Variants in MTRF1 observed in about 807,000 individuals in gnomAD.
MTRF1 encodes peptide chain release factor 1, mitochondrial.
A neutral mutation model predicts 62.9 loss-of-function variants in MTRF1; 51 were observed. The observed-to-expected ratio is 0.81, with a 90% CI of 0.65 to 1.02. The LOEUF is 1.02. Among genes scored for constraint, MTRF1 ranks in the 50% least tolerant of loss-of-function variants. MTRF1 has a pLI of 0.00. For missense variants in MTRF1, 446 were observed against 530.0 expected (o/e 0.84, Z 1.56); for synonymous variants, 158 against 181.9 (o/e 0.87, Z 1.06).
the MTRF1 span, among the ~76,000 whole-genome samples, chr13:41,273,180 G>T: frequency 2.9e-4 from 44 of 152,120 alleles, no homozygotes; most frequent in Non-Finnish European, 4.4e-4. Flanking sequence ...CAAAAAATTA[G>T]CTGGGCGTGG....
At chr13:41,256,308 T>C (rs2039704823) in intron 2 of MTRF1, among the ~76,000 whole-genome samples, 1 of 150,408 alleles carries the variant, frequency 6.6e-6, no homozygotes, top group Non-Finnish European at 1.5e-5. Flanking sequence ...TAATTCTAAT[T>C]ACAGACCATC....
At chr13:41,238,321 T>C (rs1197271056) in intron 6 of MTRF1, among the ~76,000 whole-genome samples, 1 of 152,196 alleles carries the variant, frequency 6.6e-6, no homozygotes, top group Non-Finnish European at 1.5e-5. Context: ...AAGGCTACTA[T>C]AGACCAAATC....
intron 5 of MTRF1, among the ~76,000 whole-genome samples, chr13:41,241,931 C>T (rs1488366532): frequency 6.6e-6 from 1 of 152,198 alleles, no homozygotes; most frequent in Non-Finnish European, 1.5e-5. Flanking sequence ...GGCTTTGACA[C>T]TGAATGCATC....
At chr13:41,220,223 A>T (rs1593535034) in intron 9 of MTRF1, among the ~76,000 whole-genome samples, 1 of 145,128 alleles carries the variant, frequency 6.9e-6, no homozygotes, top group South Asian at 2.3e-4. Context: ...CCAGCTACTC[A>T]GGAGGCTGAG....
intron 5 of MTRF1, among the ~76,000 whole-genome samples, chr13:41,248,509 C>A (rs1458634388): frequency 6.6e-6 from 1 of 152,170 alleles, no homozygotes; most frequent in East Asian, 1.9e-4. Context: ...TTGGCCCCTG[C>A]CACCCTGGGA....
At chr13:41,286,726 G>T in the MTRF1 span, among the ~76,000 whole-genome samples, 1 of 152,168 alleles carries the variant, frequency 6.6e-6, no homozygotes, top group Non-Finnish European at 1.5e-5. Flanking sequence ...CAGGAAACAT[G>T]TGAATCAGAG....
chr13:41,255,605 T>C (rs986875474), intron 2 of MTRF1, among the ~76,000 whole-genome samples: 16 of 152,048 alleles, frequency 1.1e-4, no homozygotes, highest in African/African-American at 3.1e-4. Flanking sequence ...GGCAGGAGAA[T>C]TGCTTGAACC....
intron 2 of MTRF1, 87 bp downstream of exon 2, chr13:41,260,406 C>A: frequency 1.6e-6 from 2 of 1,225,912 alleles, no homozygotes; most frequent in Non-Finnish European, 2.3e-6. Flanking sequence ...CTTAGAAAAT[C>A]AAATCTGTAC....
At chr13:41,274,633 T>A in the MTRF1 span, among the ~76,000 whole-genome samples, 2 of 151,608 alleles carry the variant, frequency 1.3e-5, no homozygotes, top group Non-Finnish European at 2.9e-5. Context: ...CACGATAACT[T>A]TGACATGAAA....
chr13:41,225,866 C>T (rs149428495), intron 8 of MTRF1, among the ~76,000 whole-genome samples: 12 of 146,004 alleles, frequency 8.2e-5, no homozygotes, highest in African/African-American at 2.3e-4. Context: ...AAAATAATGA[C>T]ATTTATTCAT....
chr13:41,300,511 A>T, the MTRF1 span, among the ~76,000 whole-genome samples: 5 of 151,414 alleles, frequency 3.3e-5, no homozygotes, highest in East Asian at 9.8e-4. Flanking sequence ...GCCTAAACCC[A>T]GGAGGCGGAG....
At chr13:41,295,473 T>A in the MTRF1 span, among the ~76,000 whole-genome samples, 1 of 152,334 alleles carries the variant, frequency 6.6e-6, no homozygotes, top group African/African-American at 2.4e-5. Flanking sequence ...TTCATCAGGT[T>A]TGACTTCCAG....
chr13:41,274,076 C>T, the MTRF1 span, among the ~76,000 whole-genome samples: 9 of 152,308 alleles, frequency 5.9e-5, no homozygotes, highest in East Asian at 1.7e-3. Flanking sequence ...AGGTTTTGCC[C>T]TAAGTAGTTC....
chr13:41,225,354 G>T (rs1298023585), intron 8 of MTRF1, among the ~76,000 whole-genome samples: 1 of 152,064 alleles, frequency 6.6e-6, no homozygotes, highest in East Asian at 1.9e-4. Flanking sequence ...GTGATGGTGT[G>T]TACCCAGGGT....
the MTRF1 span, among the ~76,000 whole-genome samples, chr13:41,294,631 T>C: frequency 6.6e-6 from 1 of 152,018 alleles, no homozygotes; most frequent in South Asian, 2.1e-4. Context: ...AAGATAATAA[T>C]GTTATATGAG....
chr13:41,225,931 TATTGTACA>T (rs2034340847), intron 8 of MTRF1, among the ~76,000 whole-genome samples: 2 of 151,982 alleles, frequency 1.3e-5, no homozygotes, highest in Admixed American at 1.3e-4. Flanking sequence ...ATATCATATA[TATTGTACA>T]AAATTCAAAA....
chr13:41,289,558 ACT>A, the MTRF1 span, among the ~76,000 whole-genome samples: 3 of 152,180 alleles, frequency 2.0e-5, no homozygotes, highest in African/African-American at 7.2e-5. Flanking sequence ...TTATATGACA[ACT>A]GGTGACAGTC....
the MTRF1 span, among the ~76,000 whole-genome samples, chr13:41,302,406 A>AGAGAT: frequency 6.0e-5 from 9 of 150,942 alleles, no homozygotes; most frequent in Admixed American, 2.0e-4. Context: ...AGAGAGAGAG[A>AGAGAT]CCTTTGTTCT....
At chr13:41,239,943 C>G (rs1429253126) in intron 6 of MTRF1, among the ~76,000 whole-genome samples, 1 of 151,972 alleles carries the variant, frequency 6.6e-6, no homozygotes, top group Non-Finnish European at 1.5e-5. Context: ...GGCGGACTGC[C>G]CGAGGTCAGG....
Sources: allele counts gnomAD v4.1 joint callset (sites outside exome capture counted in the v4.1 genomes callset), GRCh38; gene constraint gnomAD v4.1.1; transcripts MANE v1.5; gene names NCBI Gene and HGNC (gene_info 2026-07-23, HGNC 2026-07-21).